Variants in ULK4 observed in about 807,000 individuals in gnomAD.
ULK4 encodes the protein inactive serine/threonine-protein kinase ULK4.
ULK4 carries 133 observed loss-of-function variants against 160.6 expected under a neutral mutation model. The observed-to-expected ratio is 0.83, with a 90% CI of 0.72 to 0.96. The LOEUF is 0.96. Ranked by LOEUF, ULK4 falls within the 40% of genes least tolerant of loss-of-function variation. The probability of loss-of-function intolerance (pLI) is 0.00; values close to 1 mark genes in which losing one functional copy is unlikely to be tolerated. For missense variants in ULK4, 1,580 were observed against 1,499.5 expected, an observed-to-expected ratio of 1.05 and a Z score of -0.89; for synonymous variants, 534 against 539.8, an observed-to-expected ratio of 0.99 and a Z score of 0.15.
At chr3:41,930,706 A>G (rs550327369) in intron 5 of ULK4, among the ~76,000 whole-genome samples, 1 of 152,348 alleles carries the variant, frequency 6.6e-6, no homozygotes, top group Admixed American at 6.5e-5. Context: ...TCTCAAAATA[A>G]GACATTTATG....
chr3:41,539,342 C>A (rs1226546771), intron 32 of ULK4, among the ~76,000 whole-genome samples: 1 of 152,164 alleles, frequency 6.6e-6, no homozygotes, highest in Non-Finnish European at 1.5e-5. Flanking sequence ...CAGCCGACAG[C>A]AGGCTACATT....
intron 35 of ULK4, among the ~76,000 whole-genome samples, chr3:41,255,950 A>G (rs2078827716): frequency 6.6e-6 from 1 of 152,238 alleles, no homozygotes; most frequent in Non-Finnish European, 1.5e-5. Context: ...TTTCCAAAAT[A>G]TACCATCTGC....
intron 29 of ULK4, among the ~76,000 whole-genome samples, chr3:41,672,762 G>C (rs1260902089): frequency 1.3e-5 from 2 of 152,112 alleles, no homozygotes; most frequent in African/African-American, 4.8e-5. Context: ...CAAATACTCT[G>C]ACTTAATCAT....
At chr3:41,532,946 T>C (rs1211480805) in intron 32 of ULK4, among the ~76,000 whole-genome samples, 2 of 152,186 alleles carry the variant, frequency 1.3e-5, no homozygotes, top group Non-Finnish European at 2.9e-5. Flanking sequence ...TTAGTGATTC[T>C]CTCAACCAAT....
intron 19 of ULK4, among the ~76,000 whole-genome samples, chr3:41,816,154 T>C (rs755218065): frequency 1.3e-5 from 2 of 151,880 alleles, no homozygotes; most frequent in Non-Finnish European, 2.9e-5. Context: ...ATAAAGTGGC[T>C]ACATTAAAAT....
At chr3:41,249,960 T>C (rs2078714650) in intron 35 of ULK4, among the ~76,000 whole-genome samples, 1 of 152,206 alleles carries the variant, frequency 6.6e-6, no homozygotes, top group African/African-American at 2.4e-5. Context: ...TGGAAATCTG[T>C]CTTTGGGGCT....
At chr3:41,881,192 G>T (rs957655010) in intron 17 of ULK4, among the ~76,000 whole-genome samples, 2 of 150,546 alleles carry the variant, frequency 1.3e-5, no homozygotes, top group African/African-American at 2.5e-5. Flanking sequence ...TATTTTTCTG[G>T]AGAGACTATA....
intron 27 of ULK4, among the ~76,000 whole-genome samples, chr3:41,685,747 C>G (rs1158039690): frequency 6.6e-6 from 1 of 152,096 alleles, no homozygotes; most frequent in Non-Finnish European, 1.5e-5. Context: ...ATAAAAATTT[C>G]CAACCAGCTC....
chr3:41,874,528 A>T (rs1010844817), intron 17 of ULK4, among the ~76,000 whole-genome samples: 3 of 152,216 alleles, frequency 2.0e-5, no homozygotes, highest in African/African-American at 7.2e-5. Context: ...CCACCAAAAA[A>T]CATGAGGACA....
chr3:41,686,894 A>G (rs72862173), intron 27 of ULK4, among the ~76,000 whole-genome samples: 30,198 of 152,172 alleles, frequency 0.2, 7,910 homozygotes, highest in African/African-American at 0.61. Flanking sequence ...AAAGAACTGT[A>G]TGCATTTTAT....
chr3:41,320,134 G>T (rs928385055), intron 35 of ULK4, among the ~76,000 whole-genome samples: 1 of 152,096 alleles, frequency 6.6e-6, no homozygotes, highest in African/African-American at 2.4e-5. Context: ...GCTGTTTACT[G>T]GTTATGTGAC....
intron 35 of ULK4, among the ~76,000 whole-genome samples, chr3:41,356,428 C>T (rs1168210335): frequency 6.6e-6 from 1 of 152,168 alleles, no homozygotes; most frequent in African/African-American, 2.4e-5. Flanking sequence ...AATACAATCA[C>T]TCACAGAGGT....
chr3:41,433,075 TAA>T (rs1388210105), intron 34 of ULK4, among the ~76,000 whole-genome samples: 1 of 152,090 alleles, frequency 6.6e-6, no homozygotes, highest in African/African-American at 2.4e-5. Context: ...AAGGAGAAAC[TAA>T]AAAAGTCTAT....
At chr3:41,558,301 T>G (rs1417175881) in intron 32 of ULK4, among the ~76,000 whole-genome samples, 1 of 152,132 alleles carries the variant, frequency 6.6e-6, no homozygotes, top group Non-Finnish European at 1.5e-5. Flanking sequence ...AAGATCTCTA[T>G]GTACCAAAGC....
intron 17 of ULK4, among the ~76,000 whole-genome samples, chr3:41,876,247 G>A (rs903225199): frequency 2.0e-5 from 3 of 152,062 alleles, no homozygotes; most frequent in Non-Finnish European, 4.4e-5. Flanking sequence ...TTATAATGAT[G>A]CAAAGGTGAT....
intron 20 of ULK4, among the ~76,000 whole-genome samples, chr3:41,793,413 A>G (rs1575718505): frequency 6.6e-6 from 1 of 152,200 alleles, no homozygotes; most frequent in African/African-American, 2.4e-5. Context: ...AAGGAAGAAA[A>G]GGTTTAAGAA....
At chr3:41,918,853 G>A (rs566395444) in intron 6 of ULK4, among the ~76,000 whole-genome samples, 6 of 152,030 alleles carry the variant, frequency 3.9e-5, no homozygotes, top group East Asian at 3.9e-4. Context: ...CGCCCGCCTC[G>A]ATCTCCCAAA....
chr3:41,647,984 G>A (rs140811834), intron 30 of ULK4, among the ~76,000 whole-genome samples: 7,029 of 152,282 alleles, frequency 0.046, 403 homozygotes, highest in African/African-American at 0.13. Context: ...CTCCGTGGGC[G>A]TAGGACCCTC....
intron 30 of ULK4, among the ~76,000 whole-genome samples, chr3:41,646,130 T>C (rs2125728864): frequency 6.6e-6 from 1 of 152,308 alleles, no homozygotes; most frequent in Middle Eastern, 3.4e-3. Context: ...CACTGATGGG[T>C]CTTGACTCTT....
Sources: allele counts gnomAD v4.1 joint callset (sites outside exome capture counted in the v4.1 genomes callset), GRCh38; gene constraint gnomAD v4.1.1; transcripts MANE v1.5; gene names NCBI Gene and HGNC (gene_info 2026-07-23, HGNC 2026-07-21).